The following NDUFS2 variants were observed in gnomAD, a reference collection of about 807,000 sequenced individuals.
The protein encoded by NDUFS2 is NADH:ubiquinone oxidoreductase core subunit S2, also known as NADH dehydrogenase [ubiquinone] iron-sulfur protein 2, mitochondrial.
In NDUFS2, 38 loss-of-function variants were observed where a neutral mutation model predicts 69.6. That is an observed-to-expected ratio of 0.55 (90% CI 0.42 to 0.72). NDUFS2 has a LOEUF of 0.72. Ranked by LOEUF, NDUFS2 falls within the 30% of genes least tolerant of loss-of-function variation. The pLI is 0.00. For synonymous variants in NDUFS2, 194 were observed against 211.2 expected, an observed-to-expected ratio of 0.92 and a Z score of 0.70; for missense variants, 468 against 595.0, an observed-to-expected ratio of 0.79 and a Z score of 2.22.
upstream of NDUFS2, chr1:161,199,023 A>T (rs1665000842): frequency 5.6e-6 from 1 of 180,084 alleles, no homozygotes; most frequent in Admixed American, 5.9e-5. Flanking sequence ...TCTCGTGCAT[A>T]TGTGTCTGTG....
intron 1 of NDUFS2, 122 bp from the exon 2 acceptor site, chr1:161,203,308 AAAAAAAC>A (rs1367603435): frequency 1.1e-5 from 9 of 813,526 alleles, no homozygotes; most frequent in Middle Eastern, 3.2e-4. Context: ...CCCAGTCTCA[AAAAAAAC>A]AAAAAACAAA....
upstream of NDUFS2, chr1:161,202,047 G>A: frequency 2.3e-6 from 1 of 426,808 alleles, no homozygotes; most frequent in Non-Finnish European, 4.4e-6. Flanking sequence ...AGTAGGGAAG[G>A]AAGCGCCGCG....
chr1:161,213,495 G>A lies in NDUFS2; in HGVS notation c.1212+20G>A, dbSNP rs757833628. The stretch of plus-strand genomic sequence containing the variant: ...CCCAAGGTAAGGAGAGGAGGGGAAG[G>A]AAAAGACCATATGTAGAGTAGGTAG... On this transcript the variant is annotated intron_variant, in intron 11 of 13. Transcript: ENST00000676972. 1.3e-6 allele frequency: 2 copies of A among 1,593,210 alleles called. No individual in the cohort carries two copies. The highest frequency in any genetic ancestry group is 1.7e-6 in the Non-Finnish European group (2 of 1,162,256).
At chr1:161,198,701 G>A (rs1664980855), upstream of NDUFS2, 1 of 1,356,978 alleles carries the variant, frequency 7.4e-7, no homozygotes. This position sits in a 1 kb window ranked among gnomAD's most constrained non-coding sequence, Gnocchi z 4.7. Context: ...GCTTTGGAAA[G>A]CTCCTCTCTG....
At chr1:161,198,659 G>A (rs1664977211), upstream of NDUFS2, 4 of 1,460,064 alleles carry the variant, frequency 2.7e-6, no homozygotes, top group South Asian at 1.4e-5. This position sits in a 1 kb window ranked among gnomAD's most constrained non-coding sequence, Gnocchi z 4.7. Context: ...AGGGACTGAG[G>A]CCGTCTAGGG....
At chr1:161,198,103 T>C (rs781717050), upstream of NDUFS2, 1 of 1,613,294 alleles carries the variant, frequency 6.2e-7, no homozygotes, top group East Asian at 2.2e-5. The surrounding 1 kb of genome is among the most constrained non-coding windows in gnomAD (Gnocchi z 4.7). Flanking sequence ...GAGCCCCAGG[T>C]CCCCCAGCAG....
At position 161,214,152 on chromosome 1, in the gene NDUFS2, C is replaced by T; in HGVS notation, c.1355-4C>T. On this transcript the variant is annotated splice_region_variant and splice_polypyrimidine_tract_variant and intron_variant, in intron 13 of 13. Transcript: ENST00000676972. The stretch of plus-strand genomic sequence containing the variant: ...TCACTTTTTTCCTCCATCCTCTCAC[C>T]TAGGTACCCAAGATATTGTATTTGG... The T allele has an allele frequency of 6.2e-7, 1 of 1,614,002 alleles. No individual in the cohort carries two copies. Among genetic ancestry groups the T allele is most frequent in the Non-Finnish European group, 8.5e-7 (1 of 1,179,958 alleles).
chr1:161,210,373 C>T lies in NDUFS2; in HGVS notation c.850C>T (p.Leu284Phe). ...TGGGGTTGTAACAGCAGAAGAAGCA[C>T]TTAACTATGGTTTTAGGTGAGGGGA... is the stretch of plus-strand genomic sequence containing the variant. ...DIGVVTAEEA[L>F]NYGFSGVMLR... Residue 284 changes from leucine to phenylalanine, a missense_variant, in exon 8 of 14, where the codon CTT becomes TTT. Around this residue, in one of 3 missense-constraint regions of NDUFS2, gnomAD observed 339 missense variants for 433.8 expected, o/e 0.78. Transcript: ENST00000676972. The T allele has an allele frequency of 6.2e-7, 1 of 1,613,894 alleles. No individual in the cohort carries two copies. The highest frequency in any genetic ancestry group is 1.1e-5 in the South Asian group (1 of 91,074).
chr1:161,212,039 C>G (rs925488080), intron 9 of NDUFS2, among the ~76,000 whole-genome samples: 1 of 151,944 alleles, frequency 6.6e-6, no homozygotes, highest in African/African-American at 2.4e-5. Flanking sequence ...CAAAGTGAAA[C>G]CTCGTCTCTA....
upstream of NDUFS2, chr1:161,198,189 C>T: frequency 1.9e-6 from 3 of 1,614,044 alleles, no homozygotes; most frequent in Middle Eastern, 1.6e-4. This position sits in a 1 kb window ranked among gnomAD's most constrained non-coding sequence, Gnocchi z 4.7. Flanking sequence ...AACAGGGCTC[C>T]CCCATCCCAG....
At chr1:161,206,297 G>A (rs1665457017) in intron 2 of NDUFS2, 110 bp from the exon 3 acceptor site, 1 of 1,119,828 alleles carries the variant, frequency 8.9e-7, no homozygotes, top group South Asian at 1.3e-5. Flanking sequence ...AATTAACAAA[G>A]TATGGAATGG....
In NDUFS2 at chr1:161,213,909, G is replaced by A. The variant is rs1332029804; in HGVS notation, c.1342G>A (p.Val448Ile). The A allele has an allele frequency of 9.9e-6, 16 of 1,614,028 alleles. No homozygotes were observed. Among genetic ancestry groups the A allele is most frequent in the Admixed American group, 6.7e-5 (4 of 60,008 alleles). Reference protein sequence around the residue: ...MSKGHMLADVVAIIGTQDIVF... With the variant: ...MSKGHMLADVIAIIGTQDIVF... ...TAAGGGACACATGTTGGCAGATGTC[G>A]TTGCCATCATAGGTACGAGGCCTAT... The change falls in exon 13 of 14, where the codon GTT becomes ATT. Residue 448 changes from valine (V) to isoleucine (I), a missense_variant. Transcript: ENST00000676972.
upstream of NDUFS2, chr1:161,197,936 G>T (rs1192868758): frequency 1.3e-6 from 2 of 1,514,086 alleles, no homozygotes; most frequent in Non-Finnish European, 1.8e-6. Context: ...GTGAATAGGG[G>T]TCAGTAGGAC....
chr1:161,203,740 G>A, intron 2 of NDUFS2, 197 bp downstream of exon 2: 1 of 619,864 alleles, frequency 1.6e-6, no homozygotes, highest in Non-Finnish European at 2.9e-6. Flanking sequence ...GCAACAACAG[G>A]CCTGTGCCAC....
At chr1:161,201,547 G>T (rs970339819), upstream of NDUFS2, among the ~76,000 whole-genome samples, 2 of 152,204 alleles carry the variant, frequency 1.3e-5, no homozygotes, top group Non-Finnish European at 2.9e-5. Flanking sequence ...CTACATTTCC[G>T]TGCTGTTGGC....
chr1:161,200,563 C>T (rs1364443885), upstream of NDUFS2, among the ~76,000 whole-genome samples: 1 of 152,072 alleles, frequency 6.6e-6, no homozygotes, highest in Non-Finnish European at 1.5e-5. Flanking sequence ...ACTTCCTTTC[C>T]CCCTCCCTTC....
chr1:161,203,630 C>A, intron 2 of NDUFS2, 87 bp downstream of exon 2: 2 of 1,159,354 alleles, frequency 1.7e-6, no homozygotes, highest in South Asian at 1.3e-5. Flanking sequence ...GGGTTTCCCT[C>A]TGTCTCCCTG....
chr1:161,209,201 A>G lies in NDUFS2; in HGVS notation c.402A>G (p.Pro134=), dbSNP rs146763942. The G allele has an allele frequency of 1.2e-6, 2 of 1,614,024 alleles. No homozygotes were observed. The highest frequency in any genetic ancestry group is 1.7e-6 in the Non-Finnish European group (2 of 1,180,034). Residue 134 remains proline, a synonymous_variant, in exon 4 of 14, where the codon CCA becomes CCG. Coordinates refer to ENST00000676972, the MANE Select transcript of NDUFS2 (RefSeq NM_001377299.1). ...TTCCTCCCTCTTCCCAGGCCCTTCC[A>G]TACTTTGACCGGCTAGACTATGTGT... The part of the protein sequence containing the change: ...IEYKTYLQAL[P]YFDRLDYVSM...
chr1:161,205,771 A>C (rs895331224), intron 2 of NDUFS2, among the ~76,000 whole-genome samples: 3 of 152,006 alleles, frequency 2.0e-5, no homozygotes, highest in Non-Finnish European at 4.4e-5. Flanking sequence ...TGTCTCAAAA[A>C]AAAAAAAAAA....
Sources: gnomAD v4.1 joint callset for allele counts (sites outside exome capture counted in the v4.1 genomes callset) on GRCh38, gnomAD v4.1.1 for gene constraint, gnomAD v4.1.1 regional missense constraint, Gnocchi (gnomAD v3.1) non-coding constraint, MANE v1.5 for transcripts, NCBI Gene and HGNC (gene_info 2026-07-23, HGNC 2026-07-21) for gene names.